Variants in FOXO3 observed in about 807,000 individuals in gnomAD.
FOXO3 encodes forkhead box O3.
A neutral mutation model predicts 41.9 loss-of-function variants in FOXO3; 4 were observed. That is an observed-to-expected ratio of 0.10 (90% confidence interval 0.05 to 0.22). FOXO3 has a LOEUF of 0.22. Ranked by LOEUF, FOXO3 falls within the 10% of genes least tolerant of loss-of-function variation. The pLI, the probability that FOXO3 is intolerant of heterozygous loss-of-function variation, is 1.00. For missense variants in FOXO3, 534 were observed against 906.8 expected (o/e 0.59, Z 5.28); for synonymous variants, 318 against 389.3 (o/e 0.82, Z 2.16).
At chr6:108,586,190 A>G (rs1017962744) in intron 1 of FOXO3, among the ~76,000 whole-genome samples, 5 of 152,234 alleles carry the variant, frequency 3.3e-5, no homozygotes, top group African/African-American at 7.2e-5. Flanking sequence ...GAAGGACAAC[A>G]TAGTACTTGA....
intron 1 of FOXO3, among the ~76,000 whole-genome samples, chr6:108,569,287 C>A (rs376326004): frequency 1.3e-5 from 2 of 152,192 alleles, no homozygotes; most frequent in East Asian, 1.9e-4. Context: ...TGATAGAACA[C>A]CCCAGTTCTG....
intron 1 of FOXO3, among the ~76,000 whole-genome samples, chr6:108,583,990 G>C (rs764113567): frequency 6.6e-6 from 1 of 152,236 alleles, no homozygotes; most frequent in Admixed American, 6.5e-5. Context: ...TCTGCAGCCT[G>C]TGCTGGTCCA....
chr6:108,656,295 AC>A, intron 1 of FOXO3: 2 of 901,674 alleles, frequency 2.2e-6, no homozygotes, highest in Non-Finnish European at 2.7e-6. Context: ...TTGCTTCCAG[AC>A]AAAAACCTCT....
In FOXO3 at chr6:108,663,847, C is replaced by T. The variant is rs549651273; in HGVS notation, c.1014C>T (p.Asp338=). 7.1e-5 allele frequency: 115 copies of T among 1,613,862 alleles called. No homozygotes were observed. The East Asian group carries it at 2.0e-3, about 28-fold the overall frequency. The part of the protein sequence containing the change: ...MASTELDEVQ[D]DDAPLSPMLY... ...GCACAGAGTTGGATGAAGTCCAGGACGATGATGCGCCTCTCTCGCCCATGC... is the reference window on the plus strand; with the variant it reads ...GCACAGAGTTGGATGAAGTCCAGGATGATGATGCGCCTCTCTCGCCCATGC... The change falls in exon 2 of 3, where the codon GAC becomes GAT. Residue 338 remains aspartate, a synonymous_variant. Coordinates refer to ENST00000406360, the MANE Select transcript of FOXO3 (RefSeq NM_001455.4).
At chr6:108,639,445 AT>A (rs1778198263) in intron 1 of FOXO3, 11 of 558,854 alleles carry the variant, frequency 2.0e-5, no homozygotes, top group Non-Finnish European at 2.5e-5. Flanking sequence ...TTGGACAGAA[AT>A]GAAAGAAAGC....
intron 1 of FOXO3, among the ~76,000 whole-genome samples, chr6:108,587,734 AT>A (rs1776621891): frequency 6.6e-6 from 1 of 152,068 alleles, no homozygotes; most frequent in Non-Finnish European, 1.5e-5. Context: ...AAAATGTTTA[AT>A]TTTTCTCACA....
At chr6:108,574,489 AAAAC>A in intron 1 of FOXO3, among the ~76,000 whole-genome samples, 1 of 152,346 alleles carries the variant, frequency 6.6e-6, no homozygotes, top group Middle Eastern at 3.4e-3. Context: ...TCAGGAAAAA[AAAAC>A]ATTTACAAGG....
intron 2 of FOXO3, among the ~76,000 whole-genome samples, chr6:108,678,412 T>G (rs1770703678): frequency 6.7e-6 from 1 of 148,858 alleles, no homozygotes; most frequent in South Asian, 2.4e-4. Flanking sequence ...CTGCCAACAC[T>G]ATCTCCATAA....
intron 1 of FOXO3, chr6:108,656,241 A>G (rs548024482): frequency 1.5e-5 from 5 of 343,228 alleles, no homozygotes; most frequent in East Asian, 3.4e-4. Flanking sequence ...AAGTGAGCAG[A>G]TTTCTTGTTG....
At chr6:108,628,616 C>T (rs1777876636) in intron 1 of FOXO3, among the ~76,000 whole-genome samples, 1 of 152,140 alleles carries the variant, frequency 6.6e-6, no homozygotes. Context: ...TGCCTCTTTT[C>T]CAGGTCCAGT....
chr6:108,612,532 T>C (rs1307952022), intron 1 of FOXO3, among the ~76,000 whole-genome samples: 2 of 151,946 alleles, frequency 1.3e-5, no homozygotes, highest in Admixed American at 1.3e-4. Context: ...ATACAAAAAT[T>C]AGCTGGGCGT....
At chr6:108,649,273 CAGTA>C (rs746178130) in intron 1 of FOXO3, among the ~76,000 whole-genome samples, 4 of 152,064 alleles carry the variant, frequency 2.6e-5, no homozygotes, top group Non-Finnish European at 5.9e-5. Flanking sequence ...TTGTAATAGG[CAGTA>C]AGTATGTCTG....
At chr6:108,679,058 A>G (rs533462647) in intron 2 of FOXO3, among the ~76,000 whole-genome samples, 122 of 151,320 alleles carry the variant, frequency 8.1e-4, no homozygotes, top group African/African-American at 2.7e-3. Flanking sequence ...TTTTTAGTAG[A>G]GACGGGGTTT....
intron 1 of FOXO3, among the ~76,000 whole-genome samples, chr6:108,641,167 C>G (rs897329414): frequency 6.6e-6 from 1 of 152,134 alleles, no homozygotes; most frequent in African/African-American, 2.4e-5. Flanking sequence ...ACCTTGGCCT[C>G]CCAGAGTGCT....
At chr6:108,638,760 C>T (rs759347710) in intron 1 of FOXO3, among the ~76,000 whole-genome samples, 5 of 152,102 alleles carry the variant, frequency 3.3e-5, no homozygotes, top group Non-Finnish European at 7.3e-5. Context: ...GTAGTTAGGA[C>T]AAGGAGCAAT....
chr6:108,560,374 C>A (rs946770875), upstream of FOXO3, among the ~76,000 whole-genome samples: 1 of 152,216 alleles, frequency 6.6e-6, no homozygotes, highest in Admixed American at 6.5e-5. Context: ...CCGAAGTGGC[C>A]GTCCCCGCCG....
upstream of FOXO3, among the ~76,000 whole-genome samples, chr6:108,560,338 C>A (rs987145715): frequency 2.6e-5 from 4 of 152,216 alleles, no homozygotes; most frequent in African/African-American, 9.6e-5. Context: ...GGACGACGTC[C>A]GCGAGAATGC....
At chr6:108,615,037 C>T (rs1212865267) in intron 1 of FOXO3, among the ~76,000 whole-genome samples, 4 of 152,118 alleles carry the variant, frequency 2.6e-5, no homozygotes, top group Admixed American at 1.3e-4. Context: ...AAACAATATA[C>T]AGCCACTTCT....
At chr6:108,643,354 A>T (rs943410099) in intron 1 of FOXO3, among the ~76,000 whole-genome samples, 3 of 152,194 alleles carry the variant, frequency 2.0e-5, no homozygotes, top group African/African-American at 7.2e-5. Flanking sequence ...GGGAATGAGG[A>T]TGAGGGGACT....
Sources: allele counts gnomAD v4.1 joint callset (sites outside exome capture counted in the v4.1 genomes callset), GRCh38; gene constraint gnomAD v4.1.1; transcripts MANE v1.5; gene names NCBI Gene and HGNC (gene_info 2026-07-23, HGNC 2026-07-21).